The following CPXM2 variants were observed in gnomAD, a reference collection of about 807,000 sequenced individuals.
CPXM2 encodes inactive carboxypeptidase-like protein X2.
CPXM2 carries 66 observed loss-of-function variants against 86.1 expected under a neutral mutation model. That is an observed-to-expected ratio of 0.77 (90% CI 0.63 to 0.94). The LOEUF is 0.94. Among genes scored for constraint, CPXM2 ranks in the 40% least tolerant of loss-of-function variants. The pLI is 0.00. For synonymous variants in CPXM2, 388 were observed against 400.2 expected (o/e 0.97, Z 0.36); for missense variants, 948 against 1,026.3 (o/e 0.92, Z 1.04).
intron 2 of CPXM2, among the ~76,000 whole-genome samples, chr10:123,876,207 G>C (rs563488266): frequency 6.6e-6 from 1 of 152,240 alleles, no homozygotes; most frequent in African/African-American, 2.4e-5. Context: ...GGGTCATAGA[G>C]AACCCACCTG....
chr10:123,914,477 G>A (rs2134273233), intron 2 of CPXM2, among the ~76,000 whole-genome samples: 1 of 152,268 alleles, frequency 6.6e-6, no homozygotes, highest in Admixed American at 6.5e-5. Flanking sequence ...TTCCAGGTCT[G>A]TGTGACTGAC....
chr10:123,845,748 A>G (rs996332041), intron 3 of CPXM2, among the ~76,000 whole-genome samples: 12 of 152,210 alleles, frequency 7.9e-5, no homozygotes, highest in Non-Finnish European at 2.9e-5. Context: ...ACTAATATAC[A>G]CACCATGGAA....
At chr10:123,760,749 T>C (rs1451584488) in intron 11 of CPXM2, among the ~76,000 whole-genome samples, 2 of 152,148 alleles carry the variant, frequency 1.3e-5, no homozygotes, top group Non-Finnish European at 2.9e-5. Context: ...TGCGTAATCC[T>C]CACAGCTTCC....
intron 6 of CPXM2, among the ~76,000 whole-genome samples, chr10:123,790,830 G>A (rs1274403570): frequency 1.3e-5 from 2 of 152,150 alleles, no homozygotes; most frequent in Non-Finnish European, 2.9e-5. Flanking sequence ...ATGAGTAAAT[G>A]AATGAATGGA....
chr10:123,768,756 C>G, intron 8 of CPXM2, 34 bp from the exon 9 acceptor site: 1 of 1,584,512 alleles, frequency 6.3e-7, no homozygotes, highest in South Asian at 1.1e-5. Flanking sequence ...CACAGGTTCA[C>G]GTTGAAACAC....
At chr10:123,749,076 C>A (rs542777875) in intron 13 of CPXM2, among the ~76,000 whole-genome samples, 1 of 152,288 alleles carries the variant, frequency 6.6e-6, no homozygotes, top group East Asian at 1.9e-4. Flanking sequence ...AGTGAGCAAC[C>A]AGGACAGCAT....
In CPXM2 at chr10:123,747,567, G is replaced by C. The variant is rs530806866; in HGVS notation, c.2018-550C>G. On this transcript the variant is annotated intron_variant, in intron 13 of 13. Coordinates refer to ENST00000241305, the MANE Select transcript of CPXM2 (RefSeq NM_198148.3). ...GCCTGGAGAGACTTGGGAGTTGCAG[G>C]GCCATCTATACATGGACGCTGTGGG... is the stretch of plus-strand genomic sequence containing the variant. 2.0e-5 allele frequency among the ~76,000 whole-genome samples: 3 copies of C among 152,242 alleles called. No homozygotes were observed. The South Asian group carries it at 6.2e-4, about 32-fold the overall frequency.
At chr10:123,817,334 G>A (rs903982933) in intron 4 of CPXM2, among the ~76,000 whole-genome samples, 1 of 152,170 alleles carries the variant, frequency 6.6e-6, no homozygotes, top group African/African-American at 2.4e-5. Flanking sequence ...ATGCTGTCTG[G>A]AGCCTTTGGC....
upstream of CPXM2, among the ~76,000 whole-genome samples, chr10:123,940,534 C>G (rs1945765386): frequency 6.6e-6 from 1 of 152,234 alleles, no homozygotes. Context: ...GATCTACACT[C>G]TGTGTGTGGG....
At chr10:123,830,870 CTCTGTG>C (rs1264851027) in intron 4 of CPXM2, among the ~76,000 whole-genome samples, 35 of 102,668 alleles carry the variant, frequency 3.4e-4, no homozygotes, top group Admixed American at 1.1e-3. Flanking sequence ...CTCTCTCTCT[CTCTGTG>C]TGTGTGTGTG....
intron 2 of CPXM2, among the ~76,000 whole-genome samples, chr10:123,864,432 T>A (rs1393306858): frequency 6.6e-6 from 1 of 152,258 alleles, no homozygotes; most frequent in Non-Finnish European, 1.5e-5. Flanking sequence ...GCACAGGTCC[T>A]GTCCCTCCAT....
At position 123,753,136 on chromosome 10, in the gene CPXM2, C is replaced by T. The variant is rs564590797; in HGVS notation, c.2017+1527G>A. Reference sequence around the variant, plus strand: ...AGGAGGCAGGAACCCAGAGACCCCCCGGGGAAGAAGGTTCAGGTGGACAGA... The same window carrying T: ...AGGAGGCAGGAACCCAGAGACCCCCTGGGGAAGAAGGTTCAGGTGGACAGA... On this transcript the variant is annotated intron_variant, in intron 13 of 13. Coordinates refer to ENST00000241305, the MANE Select transcript of CPXM2 (RefSeq NM_198148.3). 5.9e-4 allele frequency among the ~76,000 whole-genome samples: 90 copies of T among 152,130 alleles called. No individual in the cohort carries two copies. The Middle Eastern group carries it at 0.01, about 17-fold the overall frequency.
At chr10:123,857,588 CGGCGTGGAGAT>C (rs1848756476) in intron 3 of CPXM2, among the ~76,000 whole-genome samples, 1 of 139,158 alleles carries the variant, frequency 7.2e-6, no homozygotes, top group Non-Finnish European at 1.6e-5. Flanking sequence ...AGATGGAAGG[CGGCGTGGAGAT>C]GGAAGGCGGC....
upstream of CPXM2, among the ~76,000 whole-genome samples, chr10:123,943,747 G>A (rs7070936): frequency 0.22 from 32,868 of 152,164 alleles, 4,741 homozygotes; most frequent in African/African-American, 0.41. Flanking sequence ...CCCAGGCTAC[G>A]GTGGGGCTGT....
At chr10:123,779,961 A>G (rs1026829088) in intron 7 of CPXM2, among the ~76,000 whole-genome samples, 2 of 152,192 alleles carry the variant, frequency 1.3e-5, no homozygotes, top group Non-Finnish European at 2.9e-5. Context: ...GTGTTTCAAC[A>G]ATCTGCCAGC....
rs1204975059 is a variant in CPXM2 at position 123,891,358 on chromosome 10, G to A, written c.302C>T (p.Pro101Leu). ...GCCCAGCGCAGAAAGTTCCTTACCT[G>A]GTGGAGGCGGCTCCGGAGCCGACTT... The part of the protein sequence containing the change: ...REKSAPEPPP[P>L]GKHSNKKVMR... The change falls in exon 1 of 14, where the codon CCA becomes CTA. Residue 101 changes from proline to leucine, a missense_variant and splice_region_variant. Pro to Leu is a moderately conservative substitution (Grantham distance 98, BLOSUM62 -3). Coordinates refer to ENST00000241305, the MANE Select transcript of CPXM2 (RefSeq NM_198148.3). The surrounding 1 kb of genome is among the most constrained non-coding windows in gnomAD (Gnocchi z 5.6). 6 of 1,543,862 alleles carry A rather than the reference G, an allele frequency of 3.9e-6. No homozygotes were observed. The highest frequency in any genetic ancestry group is 5.2e-6 in the Non-Finnish European group (6 of 1,146,030).
intron 2 of CPXM2, among the ~76,000 whole-genome samples, chr10:123,936,521 T>C (rs61861988): frequency 0.23 from 34,603 of 152,082 alleles, 4,350 homozygotes; most frequent in Middle Eastern, 0.32. Context: ...GCCTTCCAAG[T>C]AAAGCGAGGC....
chr10:123,856,968 T>C (rs1848739502), intron 3 of CPXM2, among the ~76,000 whole-genome samples: 1 of 152,214 alleles, frequency 6.6e-6, no homozygotes, highest in Non-Finnish European at 1.5e-5. Context: ...CTGTCCGTAG[T>C]TGCTCCCAGA....
chr10:123,804,732 G>C (rs537621557), intron 4 of CPXM2, among the ~76,000 whole-genome samples: 144 of 152,310 alleles, frequency 9.5e-4, no homozygotes, highest in Non-Finnish European at 1.3e-3. Context: ...AATGCTGAAA[G>C]AAGTGAATAA....
Sources: gnomAD v4.1 joint callset for allele counts (sites outside exome capture counted in the v4.1 genomes callset) on GRCh38, gnomAD v4.1.1 for gene constraint, Gnocchi (gnomAD v3.1) non-coding constraint, MANE v1.5 for transcripts, NCBI Gene and HGNC (gene_info 2026-07-23, HGNC 2026-07-21) for gene names.